CDH13: variants seen among roughly 807,000 people sequenced by gnomAD.
CDH13 encodes the protein cadherin 13, also known as cadherin-13.
In CDH13, 24 loss-of-function variants were observed where a neutral mutation model predicts 63.8. The observed-to-expected ratio is 0.38, with a 90% CI of 0.27 to 0.53. The LOEUF is 0.53. Among genes scored for constraint, CDH13 ranks in the 20% least tolerant of loss-of-function variants. The pLI is 0.85. For missense variants in CDH13, 1,049 were observed against 903.1 expected (o/e 1.16, Z -2.07); for synonymous variants, 503 against 355.3 (o/e 1.42, Z -4.67).
intron 1 of CDH13, among the ~76,000 whole-genome samples, chr16:82,752,715 C>G (rs2034466626): frequency 6.6e-6 from 1 of 152,222 alleles, no homozygotes; most frequent in Admixed American, 6.5e-5. Context: ...AGGCAGACCA[C>G]TGGGTCCCAG....
intron 9 of CDH13, among the ~76,000 whole-genome samples, chr16:83,672,443 T>TTTTTTA (rs1402352892): frequency 8.8e-6 from 1 of 113,528 alleles, no homozygotes; most frequent in Non-Finnish European, 1.8e-5. Flanking sequence ...TTTTTTTTTT[T>TTTTTTA]GAGACAGAGT....
chr16:83,309,906 A>G (rs1335893494), intron 5 of CDH13, among the ~76,000 whole-genome samples: 1 of 152,106 alleles, frequency 6.6e-6, no homozygotes, highest in Non-Finnish European at 1.5e-5. Context: ...TCCCTGGCAG[A>G]ATAATCCTGG....
chr16:82,985,575 G>A (rs894575101), intron 2 of CDH13, among the ~76,000 whole-genome samples: 55 of 152,296 alleles, frequency 3.6e-4, no homozygotes, highest in African/African-American at 1.3e-3. Context: ...ATCATCAGAT[G>A]TGGGTTTAAG....
At chr16:83,080,720 T>C (rs2033167896) in intron 3 of CDH13, among the ~76,000 whole-genome samples, 2 of 151,910 alleles carry the variant, frequency 1.3e-5, no homozygotes, top group South Asian at 4.2e-4. Context: ...CCTCAGAACA[T>C]AGAGGCGGCA....
intron 4 of CDH13, among the ~76,000 whole-genome samples, chr16:83,209,725 C>G (rs993913826): frequency 1.3e-5 from 2 of 152,134 alleles, no homozygotes; most frequent in Admixed American, 6.5e-5. Context: ...CCACCACCCA[C>G]CAAGAGGCAA....
At chr16:83,600,230 C>G (rs1218400406) in intron 7 of CDH13, among the ~76,000 whole-genome samples, 1 of 152,150 alleles carries the variant, frequency 6.6e-6, no homozygotes, top group Non-Finnish European at 1.5e-5. Context: ...GTCAATTCCA[C>G]TTGTACTCAG....
At chr16:82,896,496 A>G (rs1005234495) in intron 2 of CDH13, among the ~76,000 whole-genome samples, 4 of 151,120 alleles carry the variant, frequency 2.6e-5, no homozygotes, top group Non-Finnish European at 4.4e-5. Flanking sequence ...GGGTTTTGCC[A>G]TGTTGTTCAG....
intron 1 of CDH13, among the ~76,000 whole-genome samples, chr16:82,643,361 A>G (rs1164431381): frequency 2.0e-5 from 3 of 152,162 alleles, no homozygotes; most frequent in Non-Finnish European, 4.4e-5. Flanking sequence ...CTTTACTTAT[A>G]TTAACACTGC....
chr16:83,232,106 C>T (rs1031117852), intron 5 of CDH13, among the ~76,000 whole-genome samples: 1 of 150,838 alleles, frequency 6.6e-6, no homozygotes, highest in Non-Finnish European at 1.5e-5. Context: ...GGGTGCTAGG[C>T]TTAATACCTG....
chr16:83,756,874 G>GA (rs1168971455), intron 11 of CDH13, among the ~76,000 whole-genome samples: 1 of 151,970 alleles, frequency 6.6e-6, no homozygotes, highest in African/African-American at 2.4e-5. Context: ...TCAGCTTCAA[G>GA]AAAAAACAAC....
intron 2 of CDH13, among the ~76,000 whole-genome samples, chr16:83,027,367 A>C (rs1026503346): frequency 6.6e-6 from 1 of 152,212 alleles, no homozygotes; most frequent in African/African-American, 2.4e-5. Flanking sequence ...GAACACAAAG[A>C]GAATGCTTGA....
chr16:82,828,670 A>C (rs888029108), intron 1 of CDH13, among the ~76,000 whole-genome samples: 1 of 151,940 alleles, frequency 6.6e-6, no homozygotes, highest in African/African-American at 2.4e-5. Flanking sequence ...GTGTGTATAT[A>C]TATATATGTA....
At chr16:82,896,276 A>ATTTTGTTTTTTTTTTTTTTTTTTTT (rs2041253849) in intron 2 of CDH13, among the ~76,000 whole-genome samples, 1 of 87,816 alleles carries the variant, frequency 1.1e-5, no homozygotes, top group Non-Finnish European at 2.2e-5. Context: ...TAGGATTAGG[A>ATTTTGTTTTTTTTTTTTTTTTTTTT]TTTTTTTTTT....
chr16:83,489,033 CAT>C (rs1037874838), intron 7 of CDH13, among the ~76,000 whole-genome samples: 4 of 152,190 alleles, frequency 2.6e-5, no homozygotes, highest in African/African-American at 9.7e-5. Context: ...TGCACACACA[CAT>C]GCCAGCTTTT....
At chr16:82,918,034 A>T (rs1200099765) in intron 2 of CDH13, among the ~76,000 whole-genome samples, 1 of 152,152 alleles carries the variant, frequency 6.6e-6, no homozygotes, top group Non-Finnish European at 1.5e-5. Flanking sequence ...ATGTTAAATA[A>T]GCCAAAGATC....
chr16:83,397,256 C>G (rs959336324), intron 6 of CDH13: 4 of 152,290 alleles, frequency 2.6e-5, no homozygotes, highest in Non-Finnish European at 5.9e-5. Flanking sequence ...CCCTCTTAAT[C>G]TAAGACAAAC....
At chr16:83,659,932 A>G (rs1010000393) in intron 8 of CDH13, among the ~76,000 whole-genome samples, 2 of 151,806 alleles carry the variant, frequency 1.3e-5, no homozygotes, top group African/African-American at 4.8e-5. Context: ...GACTACAGGC[A>G]CCCGCCACCA....
chr16:83,080,871 GTT>G (rs71148809), intron 3 of CDH13, among the ~76,000 whole-genome samples: 289 of 46,930 alleles, frequency 6.2e-3, no homozygotes, highest in African/African-American at 0.025. Flanking sequence ...TTGTTTTTGT[GTT>G]TTTTTTTTTT....
intron 2 of CDH13, among the ~76,000 whole-genome samples, chr16:82,860,947 T>C (rs1248129008): frequency 6.6e-6 from 1 of 152,168 alleles, no homozygotes; most frequent in Non-Finnish European, 1.5e-5. Context: ...TCAGTTTATT[T>C]TGCGTATTTC....
Sources: gnomAD v4.1 joint callset for allele counts (sites outside exome capture counted in the v4.1 genomes callset) on GRCh38, gnomAD v4.1.1 for gene constraint, MANE v1.5 for transcripts, NCBI Gene and HGNC (gene_info 2026-07-23, HGNC 2026-07-21) for gene names.